Variants in DPH6 observed in about 807,000 individuals in gnomAD.
DPH6 encodes the protein diphthamine biosynthesis 6, also known as diphthine--ammonia ligase.
In DPH6, 33 loss-of-function variants were observed where a neutral mutation model predicts 38.2. The ratio of observed to expected loss-of-function variants is 0.86; its 90% CI spans 0.65 to 1.15. The LOEUF is 1.15. Ranked by LOEUF, DPH6 falls within the 50% of genes most tolerant of loss-of-function variation. DPH6 has a pLI of 0.00. For missense variants in DPH6, 325 were observed against 320.0 expected (o/e 1.02, Z -0.12); for synonymous variants, 108 against 103.0 (o/e 1.05, Z -0.30).
chr15:35,197,658 G>C, the DPH6 span, among the ~76,000 whole-genome samples: 1 of 152,150 alleles, frequency 6.6e-6, no homozygotes, highest in East Asian at 1.9e-4. Flanking sequence ...ATTTCAGAAA[G>C]TTTTTTGAAT....
chr15:35,242,820 G>T (rs2140402605), intron 3 of DPH6, among the ~76,000 whole-genome samples: 1 of 141,818 alleles, frequency 7.1e-6, no homozygotes, highest in African/African-American at 2.5e-5. Context: ...CTTCGACTGT[G>T]CCCCCAAATA....
chr15:35,155,279 A>G, the DPH6 span, among the ~76,000 whole-genome samples: 2 of 152,174 alleles, frequency 1.3e-5, no homozygotes, highest in African/African-American at 4.8e-5. Flanking sequence ...TAAAAGTTTG[A>G]ATCCAGATTT....
chr15:35,490,262 T>A, intron 3 of DPH6: 4 of 912,586 alleles, frequency 4.4e-6, no homozygotes, highest in Non-Finnish European at 5.2e-6. Flanking sequence ...GGCTGAATTG[T>A]CAGTCATAAA....
At chr15:35,228,962 T>C (rs766769839) in intron 3 of DPH6, among the ~76,000 whole-genome samples, 5 of 152,202 alleles carry the variant, frequency 3.3e-5, no homozygotes, top group African/African-American at 7.2e-5. Flanking sequence ...TTTCTCTTGC[T>C]GCTTTTAGGG....
At chr15:35,505,758 A>G (rs1254271961) in intron 3 of DPH6, among the ~76,000 whole-genome samples, 3 of 152,122 alleles carry the variant, frequency 2.0e-5, no homozygotes, top group South Asian at 4.1e-4. Context: ...ACTAAACAAA[A>G]GCAGGAGTCA....
chr15:35,200,287 T>C, the DPH6 span, among the ~76,000 whole-genome samples: 1 of 151,998 alleles, frequency 6.6e-6, no homozygotes, highest in African/African-American at 2.4e-5. Context: ...TCTGGCAAAA[T>C]GGAAGGTGGT....
intron 3 of DPH6, among the ~76,000 whole-genome samples, chr15:35,277,433 T>G (rs1035527097): frequency 6.6e-6 from 1 of 152,180 alleles, no homozygotes; most frequent in Non-Finnish European, 1.5e-5. Context: ...CTTGTCTGAC[T>G]GCTCTCCAGC....
intron 5 of DPH6, among the ~76,000 whole-genome samples, chr15:35,448,159 TA>T (rs1351725634): frequency 6.6e-6 from 1 of 152,176 alleles, no homozygotes; most frequent in Middle Eastern, 3.2e-3. Context: ...TCCCCTCTAG[TA>T]AATACCATTA....
intron 3 of DPH6, among the ~76,000 whole-genome samples, chr15:35,351,009 G>T (rs1190709449): frequency 6.6e-6 from 1 of 152,076 alleles, no homozygotes; most frequent in African/African-American, 2.4e-5. Flanking sequence ...ATACGTTATT[G>T]AAATTGGAAT....
At chr15:35,279,632 C>T (rs2051885484) in intron 3 of DPH6, among the ~76,000 whole-genome samples, 1 of 152,040 alleles carries the variant, frequency 6.6e-6, no homozygotes, top group Admixed American at 6.6e-5. Context: ...CCATAGGATG[C>T]ACCTGCTCCC....
rs1302992141 is a variant in DPH6 at position 35,239,255 on chromosome 15, C to T, written n.201-18673G>A. On this transcript the variant is annotated intron_variant and non_coding_transcript_variant, in intron 3 of 3. Transcript: ENST00000560386. ...TCTTCTCCAACTTCCCTCACTATCCCTCAACCTCTTTCTCCTTTCAATCTT... is the reference window on the plus strand; with the variant it reads ...TCTTCTCCAACTTCCCTCACTATCCTTCAACCTCTTTCTCCTTTCAATCTT... 1.4e-5 allele frequency among the ~76,000 whole-genome samples: 2 copies of T among 143,716 alleles called. 1 individual carries two copies. Among genetic ancestry groups the T allele is most frequent in the East Asian group, 4.4e-4 (2 of 4,592 alleles). The allele number at this position is 143,716 out of a possible 152,430, so 94.3% of individuals were successfully genotyped here.
intron 3 of DPH6, among the ~76,000 whole-genome samples, chr15:35,479,498 C>T (rs957689119): frequency 6.6e-6 from 1 of 152,066 alleles, no homozygotes; most frequent in Admixed American, 6.6e-5. Context: ...GATAAGAATC[C>T]ATCAAGCACT....
At chr15:35,435,204 T>C (rs982155125) in intron 5 of DPH6, among the ~76,000 whole-genome samples, 5 of 152,200 alleles carry the variant, frequency 3.3e-5, no homozygotes, top group Non-Finnish European at 7.4e-5. Context: ...TGCATAACAT[T>C]AAATCAAGTT....
intron 3 of DPH6, among the ~76,000 whole-genome samples, chr15:35,508,035 T>A (rs2054718639): frequency 6.6e-6 from 1 of 152,100 alleles, no homozygotes; most frequent in African/African-American, 2.4e-5. Flanking sequence ...CCCTCGTATT[T>A]TCTGCCTCAA....
intron 3 of DPH6, among the ~76,000 whole-genome samples, chr15:35,537,886 C>T (rs1280587100): frequency 6.6e-6 from 1 of 152,054 alleles, no homozygotes; most frequent in Non-Finnish European, 1.5e-5. Flanking sequence ...TAGAATAAGC[C>T]TTTAACGTAT....
the DPH6 span, among the ~76,000 whole-genome samples, chr15:35,177,580 C>CAAAAAAA: frequency 1.7e-5 from 1 of 60,256 alleles, no homozygotes; most frequent in African/African-American, 6.8e-5. Flanking sequence ...ATCCCATCTC[C>CAAAAAAA]AAAAAAAAAA....
At chr15:35,515,452 T>G (rs894073952) in intron 3 of DPH6, among the ~76,000 whole-genome samples, 3 of 151,900 alleles carry the variant, frequency 2.0e-5, no homozygotes, top group Admixed American at 6.6e-5. Flanking sequence ...CCGGGTGCGG[T>G]GGCTCACACC....
chr15:35,522,467 A>T (rs1472398490), intron 3 of DPH6, among the ~76,000 whole-genome samples: 1 of 152,170 alleles, frequency 6.6e-6, no homozygotes, highest in Non-Finnish European at 1.5e-5. Context: ...TTTCTTGTTT[A>T]GAAAACAACA....
chr15:35,407,984 TATAA>T (rs746264787), intron 6 of DPH6, among the ~76,000 whole-genome samples: 1 of 152,008 alleles, frequency 6.6e-6, no homozygotes, highest in Non-Finnish European at 1.5e-5. Flanking sequence ...CTGACATCTA[TATAA>T]ATAACGGATC....
Sources: gnomAD v4.1 joint callset for allele counts (sites outside exome capture counted in the v4.1 genomes callset) on GRCh38, gnomAD v4.1.1 for gene constraint, MANE v1.5 for transcripts, NCBI Gene and HGNC (gene_info 2026-07-23, HGNC 2026-07-21) for gene names.